Variants in SAMSN1 observed in about 807,000 individuals in gnomAD.
The protein encoded by SAMSN1 is SAM domain-containing protein SAMSN-1.
In SAMSN1, 31 loss-of-function variants were observed where a neutral mutation model predicts 42.0. The ratio of observed to expected loss-of-function variants is 0.74; its 90% CI spans 0.55 to 1.00. The LOEUF is 1.00. Among genes scored for constraint, SAMSN1 ranks in the 50% least tolerant of loss-of-function variants. SAMSN1 has a pLI of 0.00. For missense variants in SAMSN1, 464 were observed against 439.4 expected, an observed-to-expected ratio of 1.06 and a Z score of -0.50; for synonymous variants, 178 against 151.9, an observed-to-expected ratio of 1.17 and a Z score of -1.26.
At position 14,486,111 on chromosome 21, in the gene SAMSN1, A is replaced by ATAAC. The variant is rs1248466379; in HGVS notation, c.920-1_922dup (p.Ile308SerfsTer8). The ATAAC allele has an allele frequency of 2.5e-6, 4 of 1,611,506 alleles. No homozygotes were observed. Among genetic ancestry groups the ATAAC allele is most frequent in the Non-Finnish European group, 1.7e-6 (2 of 1,178,174 alleles). On this transcript the variant is annotated frameshift_variant, in exon 8 of 8. Coordinates refer to ENST00000400566, the MANE Select transcript of SAMSN1 (RefSeq NM_022136.5). LOFTEE classifies it high-confidence loss of function. Reference sequence around the variant, plus strand: ...CTCAGGTTCATTTTCTTGCTCTTGAATAACTGTAAATGGAAAAAAAGGGCA... The same window carrying ATAAC: ...CTCAGGTTCATTTTCTTGCTCTTGAATAACTAACTGTAAATGGAAAAAAAGGGCA...
At chr21:14,490,737 C>T (rs1334857326) in intron 7 of SAMSN1, among the ~76,000 whole-genome samples, 3 of 152,176 alleles carry the variant, frequency 2.0e-5, no homozygotes, top group Non-Finnish European at 4.4e-5. Context: ...TTCTGTTCCC[C>T]TGAGGCCATG....
intron 2 of SAMSN1, among the ~76,000 whole-genome samples, chr21:14,569,349 T>C (rs1981218893): frequency 6.6e-6 from 1 of 152,134 alleles, no homozygotes; most frequent in Non-Finnish European, 1.5e-5. Flanking sequence ...ATAATTCTCT[T>C]CCACATTACA....
intron 7 of SAMSN1, among the ~76,000 whole-genome samples, chr21:14,491,164 A>C (rs55913777): frequency 6.6e-6 from 1 of 152,316 alleles, no homozygotes; most frequent in African/African-American, 2.4e-5. Context: ...ATGATGAAGG[A>C]GTTAAGAACA....
chr21:14,653,915 T>G (rs1021377564), intron 1 of SAMSN1, among the ~76,000 whole-genome samples: 2 of 151,876 alleles, frequency 1.3e-5, no homozygotes, highest in East Asian at 1.9e-4. Flanking sequence ...TGCTTTGAAA[T>G]AGCAAAAATA....
intron 2 of SAMSN1, among the ~76,000 whole-genome samples, chr21:14,576,658 C>T (rs1018991993): frequency 1.1e-4 from 12 of 112,412 alleles, no homozygotes; most frequent in Non-Finnish European, 6.5e-5. Flanking sequence ...ATTTTTCCAT[C>T]ATCCACACGA....
chr21:14,622,005 G>A (rs1242477349), intron 2 of SAMSN1, among the ~76,000 whole-genome samples: 3 of 152,204 alleles, frequency 2.0e-5, no homozygotes, highest in Non-Finnish European at 4.4e-5. Flanking sequence ...CTAATACCCA[G>A]GCAAACAGGG....
intron 2 of SAMSN1, among the ~76,000 whole-genome samples, chr21:14,578,201 G>C (rs951028485): frequency 1.3e-5 from 2 of 152,136 alleles, no homozygotes; most frequent in Non-Finnish European, 2.9e-5. Context: ...GAGTTACTCA[G>C]AGGAAAGAGA....
At chr21:14,516,656 G>A (rs1987932602) in intron 3 of SAMSN1, among the ~76,000 whole-genome samples, 1 of 152,148 alleles carries the variant, frequency 6.6e-6, no homozygotes, top group Non-Finnish European at 1.5e-5. Context: ...CCTCCAAAGT[G>A]CTCGGATTAC....
chr21:14,589,748 C>T (rs186398832), intron 7 of SAMSN1, among the ~76,000 whole-genome samples: 6 of 152,122 alleles, frequency 3.9e-5, no homozygotes, highest in African/African-American at 1.2e-4. Context: ...CTGAATAACA[C>T]GTCAGACTTG....
intron 1 of SAMSN1, among the ~76,000 whole-genome samples, chr21:14,652,037 A>G (rs1453530776): frequency 1.3e-5 from 2 of 152,048 alleles, no homozygotes; most frequent in East Asian, 3.9e-4. Context: ...AATGAAAAAT[A>G]GTTTATGTTC....
chr21:14,541,903 G>C (rs1463253934), intron 1 of SAMSN1, among the ~76,000 whole-genome samples: 1 of 151,622 alleles, frequency 6.6e-6, no homozygotes, highest in Non-Finnish European at 1.5e-5. Context: ...TGAGGCAGGA[G>C]AGTCACATAA....
intron 7 of SAMSN1, chr21:14,495,854 C>T (rs1250883538): frequency 6.6e-6 from 1 of 152,192 alleles, no homozygotes; most frequent in African/African-American, 2.4e-5. Flanking sequence ...TTCATCTTCT[C>T]ACCTTGCAAT....
chr21:14,577,269 TATATATATA>T lies in SAMSN1; in HGVS notation c.261+4858_261+4866del, dbSNP rs1568816138. Among the ~76,000 whole-genome samples the T allele has an allele frequency of 8.9e-4, 47 of 52,546 alleles. 2 individuals are homozygous for T. Among genetic ancestry groups the T allele is most frequent in the East Asian group, 1.5e-3 (4 of 2,748 alleles). The allele number at this position is 52,546 out of a possible 152,430, so 34.5% of individuals were successfully genotyped here. ...ATATATATATATATATATATATATA[TATATATATA>T]TATATATTTTTTTTTTAGAAGAGAC... On this transcript the variant is annotated intron_variant, in intron 2 of 8. Transcript: ENST00000285670.
At chr21:14,619,462 T>A (rs886989189) in intron 2 of SAMSN1, among the ~76,000 whole-genome samples, 4 of 152,224 alleles carry the variant, frequency 2.6e-5, no homozygotes, top group Non-Finnish European at 5.9e-5. Flanking sequence ...ATGGACTCAT[T>A]TACGATCAAG....
intron 2 of SAMSN1, among the ~76,000 whole-genome samples, chr21:14,577,238 GTATATATATATATATATATATATATA>G (rs767931839): frequency 2.1e-4 from 6 of 28,178 alleles, no homozygotes; most frequent in East Asian, 1.0e-3. Flanking sequence ...ATATATGTGT[GTATATATATATATATATATATATATA>G]TATATATATA....
intron 7 of SAMSN1, among the ~76,000 whole-genome samples, chr21:14,487,328 T>C (rs1360239141): frequency 6.6e-6 from 1 of 150,514 alleles, no homozygotes; most frequent in African/African-American, 2.5e-5. Context: ...GGAAATCTAC[T>C]CTTTATCTTA....
intron 2 of SAMSN1, among the ~76,000 whole-genome samples, chr21:14,632,607 A>G (rs992514077): frequency 5.9e-5 from 9 of 152,180 alleles, no homozygotes; most frequent in Admixed American, 2.6e-4. Context: ...TGTGCAACAA[A>G]TTACTCCCAA....
At chr21:14,585,860 A>G (rs1166319565), upstream of SAMSN1, among the ~76,000 whole-genome samples, 1 of 152,112 alleles carries the variant, frequency 6.6e-6, no homozygotes, top group African/African-American at 2.4e-5. Flanking sequence ...TTTCTGGACA[A>G]CCTCCTCTTG....
At chr21:14,595,371 C>T (rs1199495834) in intron 6 of SAMSN1, among the ~76,000 whole-genome samples, 1 of 152,092 alleles carries the variant, frequency 6.6e-6, no homozygotes, top group East Asian at 1.9e-4. Flanking sequence ...ACTGAATCTG[C>T]TGGTGCCTTG....
Sources: allele counts gnomAD v4.1 joint callset (sites outside exome capture counted in the v4.1 genomes callset), GRCh38; gene constraint gnomAD v4.1.1; transcripts MANE v1.5; gene names NCBI Gene and HGNC (gene_info 2026-07-23, HGNC 2026-07-21).